ANTXR2: variants seen among roughly 807,000 people sequenced by gnomAD.
The protein encoded by ANTXR2 is ANTXR cell adhesion molecule 2.
Under a neutral mutation model 73.7 loss-of-function variants are expected in ANTXR2, and 44 were observed. The observed-to-expected ratio is 0.60, with a 90% CI of 0.47 to 0.77. ANTXR2 has a LOEUF of 0.77. Among genes scored for constraint, ANTXR2 ranks in the 30% least tolerant of loss-of-function variants. The pLI is 0.00. For synonymous variants in ANTXR2, 217 were observed against 205.9 expected, an observed-to-expected ratio of 1.05 and a Z score of -0.46; for missense variants, 604 against 592.5, an observed-to-expected ratio of 1.02 and a Z score of -0.20.
At chr4:80,007,834 A>T (rs1267190011) in intron 12 of ANTXR2, among the ~76,000 whole-genome samples, 2 of 152,202 alleles carry the variant, frequency 1.3e-5, no homozygotes, top group East Asian at 1.9e-4. Flanking sequence ...ATTTTAGTCC[A>T]CGTAAACCCA....
intron 16 of ANTXR2, among the ~76,000 whole-genome samples, chr4:79,925,495 C>T (rs1293796498): frequency 6.6e-6 from 1 of 151,954 alleles, no homozygotes; most frequent in Middle Eastern, 3.2e-3. Flanking sequence ...TTTATAGTAA[C>T]CTTCAATCGG....
intron 12 of ANTXR2, among the ~76,000 whole-genome samples, chr4:80,004,988 T>C (rs1213550983): frequency 6.6e-6 from 1 of 152,146 alleles, no homozygotes; most frequent in Non-Finnish European, 1.5e-5. Context: ...TAAGTAACAT[T>C]GTCATCACTG....
At chr4:80,057,259 G>A (rs1185007324) in intron 3 of ANTXR2, among the ~76,000 whole-genome samples, 1 of 151,816 alleles carries the variant, frequency 6.6e-6, no homozygotes, top group Non-Finnish European at 1.5e-5. Context: ...AACTTACTGG[G>A]GCCATACACA....
chr4:79,977,491 T>C lies in ANTXR2; in HGVS notation c.1428+130A>G, dbSNP rs878904014. 2.0e-5 allele frequency: 30 copies of C among 1,465,998 alleles called. No individual in the cohort carries two copies. In the East Asian group the frequency reaches 3.6e-4, roughly 17 times the overall value. 90.8% of individuals were successfully genotyped at this position (1,465,998 alleles called of 1,614,324 possible). On this transcript the variant is annotated intron_variant, in intron 16 of 16. Coordinates refer to ENST00000403729, the MANE Select transcript of ANTXR2 (RefSeq NM_058172.6). The stretch of plus-strand genomic sequence containing the variant: ...TATAGACAATTCTATGTAATAGAAA[T>C]CTACACTTGACAGTATTTCCTTCCT...
rs567072402 is a variant in ANTXR2 at position 79,906,350 on chromosome 4, A to G, written c.*1079T>C. 1 of 152,610 alleles carries G rather than the reference A, an allele frequency of 6.6e-6. No individual in the cohort carries two copies. The highest frequency in any genetic ancestry group is 1.5e-5 in the Non-Finnish European group (1 of 68,034). The allele number at this position is 152,610 out of a possible 1,614,324, so 9.5% of individuals were successfully genotyped here. ...AATAGGTCATTCAATGTCAAAAGGC[A>G]TAAAAAAGATGAGCAAAATCTTCAC... is the stretch of plus-strand genomic sequence containing the variant. On this transcript the variant is annotated 3_prime_UTR_variant, in exon 17 of 17. Transcript: ENST00000403729.
intron 5 of ANTXR2, 36 bp from the exon 6 acceptor site, chr4:80,055,254 A>T: frequency 6.5e-7 from 1 of 1,549,362 alleles, no homozygotes; most frequent in African/African-American, 1.4e-5. Context: ...AGAAAAAAAG[A>T]GAGGGGAGAG....
At chr4:80,003,077 C>G (rs950720432) in intron 12 of ANTXR2, among the ~76,000 whole-genome samples, 2 of 151,572 alleles carry the variant, frequency 1.3e-5, no homozygotes, top group African/African-American at 4.8e-5. Context: ...ACCCAAAGGA[C>G]TATAAATCAG....
intron 16 of ANTXR2, among the ~76,000 whole-genome samples, chr4:79,955,763 G>A (rs971044433): frequency 6.6e-6 from 1 of 152,134 alleles, no homozygotes; most frequent in African/African-American, 2.4e-5. Flanking sequence ...GCGCCGGACT[G>A]AAGCTGATAA....
chr4:80,031,455 G>C (rs575289619), intron 10 of ANTXR2, among the ~76,000 whole-genome samples, 168 bp downstream of exon 10: 1 of 151,872 alleles, frequency 6.6e-6, no homozygotes, highest in Admixed American at 6.6e-5. Flanking sequence ...TATAGCTGAA[G>C]TACTAACTTG....
chr4:79,996,546 T>C (rs549113300), intron 12 of ANTXR2, among the ~76,000 whole-genome samples: 3 of 152,014 alleles, frequency 2.0e-5, no homozygotes, highest in South Asian at 2.1e-4. Context: ...TGTTCCAAAA[T>C]CTTCCCTCTC....
intron 16 of ANTXR2, among the ~76,000 whole-genome samples, chr4:79,915,453 T>A (rs1316572523): frequency 6.6e-6 from 1 of 152,170 alleles, no homozygotes; most frequent in African/African-American, 2.4e-5. Context: ...CTGCTATAAC[T>A]GTTATAGTAT....
At chr4:79,937,899 C>G (rs1382195874) in intron 16 of ANTXR2, among the ~76,000 whole-genome samples, 1 of 140,260 alleles carries the variant, frequency 7.1e-6, no homozygotes, top group Admixed American at 7.2e-5. Context: ...CAGGGCGAGG[C>G]ATTGCCTCAC....
chr4:80,001,707 G>GA (rs1731049793), intron 12 of ANTXR2, among the ~76,000 whole-genome samples: 1 of 150,920 alleles, frequency 6.6e-6, no homozygotes, highest in East Asian at 2.0e-4. Flanking sequence ...GGTCACTCAG[G>GA]ACTTGCTTTA....
At chr4:80,047,279 G>A (rs1165674907) in intron 7 of ANTXR2, among the ~76,000 whole-genome samples, 1 of 151,508 alleles carries the variant, frequency 6.6e-6, no homozygotes, top group Non-Finnish European at 1.5e-5. Context: ...GACAGTAGAG[G>A]CCAAAATAAG....
At chr4:80,010,548 C>T (rs1731522057) in intron 11 of ANTXR2, among the ~76,000 whole-genome samples, 1 of 152,096 alleles carries the variant, frequency 6.6e-6, no homozygotes, top group Non-Finnish European at 1.5e-5. Flanking sequence ...TTGGTTTCCC[C>T]TTTTCTTAGA....
At chr4:79,951,182 T>C (rs1560896272) in intron 16 of ANTXR2, among the ~76,000 whole-genome samples, 1 of 152,222 alleles carries the variant, frequency 6.6e-6, no homozygotes, top group Non-Finnish European at 1.5e-5. Flanking sequence ...TTTTGTTTGA[T>C]GGGACACAGA....
chr4:80,012,524 A>C (rs941407986), intron 11 of ANTXR2, among the ~76,000 whole-genome samples: 1 of 152,212 alleles, frequency 6.6e-6, no homozygotes, highest in Non-Finnish European at 1.5e-5. Context: ...ATGGCCCCCA[A>C]AGCCTTAAGT....
chr4:80,058,719 AT>A (rs1178547135), intron 3 of ANTXR2, among the ~76,000 whole-genome samples: 11 of 152,070 alleles, frequency 7.2e-5, no homozygotes, highest in Admixed American at 2.0e-4. Flanking sequence ...AATGACTAAA[AT>A]TTTAAGAACA....
intron 7 of ANTXR2, among the ~76,000 whole-genome samples, chr4:80,045,603 T>C (rs929886387): frequency 6.6e-6 from 1 of 150,928 alleles, no homozygotes; most frequent in Non-Finnish European, 1.5e-5. Context: ...TCCTGACTCA[T>C]TGAGCAGCTT....
Sources: gnomAD v4.1 joint callset for allele counts (sites outside exome capture counted in the v4.1 genomes callset) on GRCh38, gnomAD v4.1.1 for gene constraint, MANE v1.5 for transcripts, NCBI Gene and HGNC (gene_info 2026-07-23, HGNC 2026-07-21) for gene names.